Variants in SLC7A2 observed in about 807,000 individuals in gnomAD.
SLC7A2 encodes the protein solute carrier family 7 member 2.
A neutral mutation model predicts 58.9 loss-of-function variants in SLC7A2; 48 were observed. The ratio of observed to expected loss-of-function variants is 0.82; its 90% CI spans 0.65 to 1.04. SLC7A2 has a LOEUF of 1.04. Among genes scored for constraint, SLC7A2 ranks in the 50% least tolerant of loss-of-function variants. SLC7A2 has a pLI of 0.00. For missense variants in SLC7A2, 1,029 were observed against 818.8 expected, an observed-to-expected ratio of 1.26 and a Z score of -3.13; for synonymous variants, 363 against 314.5, an observed-to-expected ratio of 1.15 and a Z score of -1.63.
Position 17,570,550 on chromosome 8 carries a change from A to G in SLC7A2, c.*5404A>G, listed in dbSNP as rs915059885. On this transcript the variant is annotated 3_prime_UTR_variant, in exon 13 of 13. Transcript: ENST00000494857. ...CTGATGTGGTGTATTTTTAAAATAA[A>G]TTTTAATATGTAATAATATAGAATG... 1 of 152,630 alleles carries G rather than the reference A, an allele frequency of 6.6e-6. No individual in the cohort carries two copies. The highest frequency in any genetic ancestry group is 1.5e-5 in the Non-Finnish European group (1 of 68,042). The allele number at this position is 152,630 out of a possible 1,614,324, so 9.5% of individuals were successfully genotyped here. A position where few individuals can be genotyped will look rare whatever the true frequency, so the allele number is the denominator to read the frequency against.
chr8:17,516,003 T>C (rs1345076772), intron 2 of SLC7A2, among the ~76,000 whole-genome samples: 2 of 152,174 alleles, frequency 1.3e-5, no homozygotes, highest in Non-Finnish European at 2.9e-5. Flanking sequence ...CTGAAGTAAA[T>C]ACATAGGATC....
chr8:17,549,010 TC>T (rs995246463), intron 5 of SLC7A2, among the ~76,000 whole-genome samples, 167 bp downstream of exon 5: 12 of 148,270 alleles, frequency 8.1e-5, no homozygotes, highest in Admixed American at 2.0e-4. Context: ...TGGGGAAGCC[TC>T]ACAATCGTGG....
chr8:17,536,249 G>T (rs887631520), intron 2 of SLC7A2, among the ~76,000 whole-genome samples: 1 of 152,056 alleles, frequency 6.6e-6, no homozygotes, highest in Non-Finnish European at 1.5e-5. Context: ...AATCCAGATT[G>T]GTTGTATGTA....
chr8:17,496,897 C>T (rs1042777077), upstream of SLC7A2, among the ~76,000 whole-genome samples: 1 of 151,858 alleles, frequency 6.6e-6, no homozygotes, highest in Non-Finnish European at 1.5e-5. Flanking sequence ...CACGTGTGCT[C>T]GGCTCCAGGC....
chr8:17,544,412 C>T lies in SLC7A2; in HGVS notation c.377-39C>T, dbSNP rs200819310. 449 of 1,588,066 alleles carry T rather than the reference C, an allele frequency of 2.8e-4. 4 individuals are homozygous for T. The South Asian group carries it at 4.9e-3, about 17-fold the overall frequency. ...TAGCAAATGATGCTACTTTAATTTG[C>T]CCCCAGTGACTTCGTATTCTCTGTT... On this transcript the variant is annotated intron_variant, in intron 3 of 12. Coordinates refer to ENST00000494857, the MANE Select transcript of SLC7A2 (RefSeq NM_001370338.1).
chr8:17,555,342 A>G (rs922685932), intron 8 of SLC7A2, among the ~76,000 whole-genome samples: 3 of 152,126 alleles, frequency 2.0e-5, no homozygotes, highest in African/African-American at 4.8e-5. Context: ...TAACAAATGT[A>G]CAAAGGGTTA....
In SLC7A2 at chr8:17,562,147, A is replaced by ATTC. The variant is rs751446720; in HGVS notation, c.1671+38_1671+40dup. Reference sequence around the variant, plus strand: ...GAGGATTAGAGACCCAAAATACTGTATTCATTTTCTCTGTATAATTAGTTT... The same window carrying ATTC: ...GAGGATTAGAGACCCAAAATACTGTATTCTTCATTTTCTCTGTATAATTAGTTT... On this transcript the variant is annotated intron_variant, in intron 11 of 12. Transcript: ENST00000494857. 3.3e-6 allele frequency: 4 copies of ATTC among 1,199,558 alleles called. No homozygotes were observed. The African/African-American group carries it at 8.1e-5, about 24-fold the overall frequency. The allele number at this position is 1,199,558 out of a possible 1,614,324, so 74.3% of individuals were successfully genotyped here. A position where few individuals can be genotyped will look rare whatever the true frequency, so the allele number is the denominator to read the frequency against.
At chr8:17,502,153 A>G (rs145718271) in intron 1 of SLC7A2, 104 bp from the exon 2 acceptor site, 1 of 151,600 alleles carries the variant, frequency 6.6e-6, no homozygotes, top group African/African-American at 2.4e-5. Context: ...TCTGTGGCTA[A>G]GGTGAGAGGA....
chr8:17,551,418 G>T (rs1193039291), intron 6 of SLC7A2, among the ~76,000 whole-genome samples: 2 of 152,218 alleles, frequency 1.3e-5, no homozygotes, highest in African/African-American at 4.8e-5. Context: ...GGCCAACATG[G>T]TGCAAACCAT....
intron 1 of SLC7A2, chr8:17,499,355 CT>C (rs1800067214): frequency 6.7e-6 from 1 of 148,802 alleles, no homozygotes; most frequent in African/African-American, 2.5e-5. Context: ...CTCTCTCTCT[CT>C]CCCCCTCTCT....
chr8:17,564,924 G>T (rs776460916), intron 12 of SLC7A2, 26 bp from the exon 13 acceptor site: 2 of 1,503,604 alleles, frequency 1.3e-6, no homozygotes, highest in South Asian at 2.5e-5. Flanking sequence ...CTGAAACATT[G>T]ATTTTTTTTT....
At chr8:17,522,556 AGACAAT>A (rs1801057991) in intron 2 of SLC7A2, among the ~76,000 whole-genome samples, 1 of 152,134 alleles carries the variant, frequency 6.6e-6, no homozygotes, top group Non-Finnish European at 1.5e-5. Context: ...ACATTTTCTC[AGACAAT>A]GTAACAGGGG....
chr8:17,559,016 G>T (rs1386472215), intron 9 of SLC7A2, among the ~76,000 whole-genome samples: 5 of 152,128 alleles, frequency 3.3e-5, no homozygotes, highest in Non-Finnish European at 7.3e-5. Context: ...GTACCAAAGT[G>T]CTAACAGTGA....
intron 6 of SLC7A2, among the ~76,000 whole-genome samples, chr8:17,551,215 T>C (rs955869502): frequency 6.6e-6 from 1 of 152,232 alleles, no homozygotes; most frequent in Non-Finnish European, 1.5e-5. Context: ...GATAGGAAAC[T>C]GACTGGCATG....
chr8:17,529,533 T>G (rs1585214753), intron 2 of SLC7A2, among the ~76,000 whole-genome samples: 1 of 30,746 alleles, frequency 3.3e-5, no homozygotes. Context: ...TGTTTTTTTG[T>G]TTTTTTTTTT....
In SLC7A2 at chr8:17,561,953, T is replaced by A. The variant is rs1197926176; in HGVS notation, c.1514T>A (p.Val505Glu). Residue 505 changes from valine (V) to glutamate (E), a missense_variant, in exon 11 of 13, where the codon GTG becomes GAG. Transcript: ENST00000494857. Reference sequence around the variant, plus strand: ...ACACATCCCCCTGCAGCTTTCCTCGTGTTGGGCCTGAGTGTCTTGACCACT... The same window carrying A: ...ACACATCCCCCTGCAGCTTTCCTCGAGTTGGGCCTGAGTGTCTTGACCACT... ...SFLVGFLAFL[V>E]LGLSVLTTYG... is the part of the protein sequence containing the mutation. 3.7e-6 allele frequency: 6 copies of A among 1,614,076 alleles called. No homozygotes were observed. Among genetic ancestry groups the A allele is most frequent in the Non-Finnish European group, 5.1e-6 (6 of 1,179,988 alleles).
chr8:17,520,776 G>T, intron 2 of SLC7A2: 1 of 886,572 alleles, frequency 1.1e-6, no homozygotes, highest in East Asian at 1.2e-4. Flanking sequence ...TCTGTAAGTA[G>T]AGATGAGCTT....
At chr8:17,528,315 C>A (rs941108174) in intron 2 of SLC7A2, among the ~76,000 whole-genome samples, 1 of 152,042 alleles carries the variant, frequency 6.6e-6, no homozygotes, top group African/African-American at 2.4e-5. Context: ...CATCTGGAAC[C>A]CTTTGTTTTC....
intron 2 of SLC7A2, among the ~76,000 whole-genome samples, chr8:17,507,815 AG>A (rs1213484720): frequency 6.6e-6 from 1 of 152,210 alleles, no homozygotes; most frequent in African/African-American, 2.4e-5. Context: ...AAGCTGATGA[AG>A]TGCATTTAGA....
Sources: gnomAD v4.1 joint callset for allele counts (sites outside exome capture counted in the v4.1 genomes callset) on GRCh38, gnomAD v4.1.1 for gene constraint, MANE v1.5 for transcripts, NCBI Gene and HGNC (gene_info 2026-07-23, HGNC 2026-07-21) for gene names.